Variants in NTRK3 observed in about 807,000 individuals in gnomAD.
NTRK3 encodes NT-3 growth factor receptor.
NTRK3 carries 24 observed loss-of-function variants against 91.7 expected under a neutral mutation model. The ratio of observed to expected loss-of-function variants is 0.26; its 90% CI spans 0.19 to 0.37. NTRK3 has a LOEUF of 0.37. Among genes scored for constraint, NTRK3 ranks in the 10% least tolerant of loss-of-function variants. The pLI is 1.00. For missense variants in NTRK3, 880 were observed against 1,068.9 expected (o/e 0.82, Z 2.46); for synonymous variants, 483 against 404.0 (o/e 1.20, Z -2.34).
chr15:87,955,461 G>C (rs1042487095), intron 14 of NTRK3, among the ~76,000 whole-genome samples: 2 of 152,238 alleles, frequency 1.3e-5, no homozygotes, highest in African/African-American at 4.8e-5. Context: ...AGGGAACCTG[G>C]AGGGCAGCCG....
At chr15:88,189,061 T>C (rs1022185226) in intron 3 of NTRK3, among the ~76,000 whole-genome samples, 5 of 152,130 alleles carry the variant, frequency 3.3e-5, no homozygotes, top group African/African-American at 1.2e-4. Context: ...GCATAATACA[T>C]GATGACATTG....
intron 13 of NTRK3, among the ~76,000 whole-genome samples, chr15:88,052,582 T>C (rs1018812673): frequency 6.6e-6 from 1 of 152,226 alleles, no homozygotes; most frequent in Non-Finnish European, 1.5e-5. Flanking sequence ...CAGCCATGCA[T>C]TGTATGATAC....
chr15:87,997,877 G>A (rs911483674), intron 14 of NTRK3, among the ~76,000 whole-genome samples: 1 of 152,110 alleles, frequency 6.6e-6, no homozygotes, highest in Non-Finnish European at 1.5e-5. Flanking sequence ...ACCAGATGAT[G>A]GTCTAGCCCT....
chr15:88,206,242 G>A (rs1237163752), intron 3 of NTRK3, among the ~76,000 whole-genome samples: 1 of 151,036 alleles, frequency 6.6e-6, no homozygotes, highest in Non-Finnish European at 1.5e-5. Flanking sequence ...CTACTCAAGA[G>A]GCTGAGGCAG....
intron 13 of NTRK3, among the ~76,000 whole-genome samples, chr15:88,049,382 T>A (rs1021638696): frequency 2.0e-5 from 3 of 152,202 alleles, no homozygotes; most frequent in Admixed American, 6.5e-5. Flanking sequence ...TTAACAATAT[T>A]GTTTGTTGGT....
chr15:87,915,552 C>A (rs2067388331), intron 17 of NTRK3, among the ~76,000 whole-genome samples: 1 of 152,228 alleles, frequency 6.6e-6, no homozygotes, highest in Non-Finnish European at 1.5e-5. Flanking sequence ...ACTCAAATGT[C>A]TAAACCAGTC....
chr15:87,974,371 T>C (rs1596477724), intron 14 of NTRK3, among the ~76,000 whole-genome samples: 2 of 152,190 alleles, frequency 1.3e-5, no homozygotes, highest in African/African-American at 4.8e-5. Flanking sequence ...AGGAGGTCTT[T>C]GAGGTGCGTT....
chr15:88,146,457 T>C (rs1181706135), intron 6 of NTRK3, among the ~76,000 whole-genome samples: 2 of 152,226 alleles, frequency 1.3e-5, no homozygotes, highest in African/African-American at 2.4e-5. Flanking sequence ...TCTGGAACCC[T>C]GACTCCCTAA....
intron 17 of NTRK3, among the ~76,000 whole-genome samples, chr15:87,883,096 CATATATGTGCAT>C (rs1567066896): frequency 7.3e-6 from 1 of 136,090 alleles, no homozygotes; most frequent in Non-Finnish European, 1.6e-5. Context: ...TACATATATG[CATATATGTGCAT>C]ATACATGTAT....
chr15:87,999,170 C>T (rs2141599685), intron 14 of NTRK3, among the ~76,000 whole-genome samples: 1 of 152,290 alleles, frequency 6.6e-6, no homozygotes, highest in South Asian at 2.1e-4. Context: ...TTTTAACAAA[C>T]ACCCCTAAGA....
At chr15:88,192,924 C>T (rs1567620216) in intron 3 of NTRK3, among the ~76,000 whole-genome samples, 1 of 152,322 alleles carries the variant, frequency 6.6e-6, no homozygotes, top group South Asian at 2.1e-4. Context: ...ATGTCCTTCA[C>T]AGCCCTTAAT....
chr15:87,984,389 C>A (rs766418838), intron 14 of NTRK3, among the ~76,000 whole-genome samples: 1 of 152,204 alleles, frequency 6.6e-6, no homozygotes, highest in Non-Finnish European at 1.5e-5. Context: ...TCTAATGGTG[C>A]CTGGGCTATG....
chr15:88,000,453 C>A (rs2076022975), intron 14 of NTRK3, among the ~76,000 whole-genome samples: 1 of 152,082 alleles, frequency 6.6e-6, no homozygotes, highest in Non-Finnish European at 1.5e-5. Context: ...TAAAACTATA[C>A]CACACACACA....
chr15:87,899,624 G>C (rs2066333276), intron 17 of NTRK3, among the ~76,000 whole-genome samples: 1 of 152,170 alleles, frequency 6.6e-6, no homozygotes, highest in African/African-American at 2.4e-5. Flanking sequence ...GCCAGAAGGA[G>C]CTGGAGAGGG....
intron 14 of NTRK3, among the ~76,000 whole-genome samples, chr15:88,031,630 C>T (rs1246197889): frequency 6.6e-5 from 10 of 152,148 alleles, no homozygotes; most frequent in African/African-American, 2.4e-4. Flanking sequence ...CTGGAGAACA[C>T]CCAAGGTTAG....
intron 13 of NTRK3, among the ~76,000 whole-genome samples, chr15:88,051,258 A>C (rs1242120294): frequency 6.6e-6 from 1 of 151,902 alleles, no homozygotes; most frequent in Admixed American, 6.6e-5. Context: ...CTCAATCCCC[A>C]CCACTCCCTT....
intron 3 of NTRK3, among the ~76,000 whole-genome samples, chr15:88,188,297 C>T (rs915023852): frequency 1.3e-5 from 2 of 152,220 alleles, no homozygotes; most frequent in Non-Finnish European, 2.9e-5. Flanking sequence ...CCACTTTAGT[C>T]TCATAATACA....
At chr15:87,937,149 G>A (rs1032317653) in intron 15 of NTRK3, among the ~76,000 whole-genome samples, 1 of 152,198 alleles carries the variant, frequency 6.6e-6, no homozygotes, top group Non-Finnish European at 1.5e-5. Flanking sequence ...CAGAACATGA[G>A]ATCCTGAACA....
chr15:87,891,384 T>G (rs1454186798), intron 17 of NTRK3, among the ~76,000 whole-genome samples: 5 of 152,202 alleles, frequency 3.3e-5, no homozygotes. Flanking sequence ...ATTTTGCATT[T>G]GATTTAATGT....
Sources: allele counts gnomAD v4.1 joint callset (sites outside exome capture counted in the v4.1 genomes callset), GRCh38; gene constraint gnomAD v4.1.1; transcripts MANE v1.5; gene names NCBI Gene and HGNC (gene_info 2026-07-23, HGNC 2026-07-21).